The following MELTF variants were observed in gnomAD, a reference collection of about 807,000 sequenced individuals.
MELTF encodes the protein melanotransferrin, also known as antigen p97 (melanoma associated) identified by monoclonal antibodies 133.2 and 96.5.
Under a neutral mutation model 83.7 loss-of-function variants are expected in MELTF, and 67 were observed. That is an observed-to-expected ratio of 0.80 (90% CI 0.66 to 0.98). The LOEUF (loss-of-function observed/expected upper bound fraction) is 0.98, where lower values mean the gene tolerates loss of function less well. Among genes scored for constraint, MELTF ranks in the 50% least tolerant of loss-of-function variants. The pLI is 0.00. For synonymous variants in MELTF, 462 were observed against 447.6 expected, an observed-to-expected ratio of 1.03 and a Z score of -0.41; for missense variants, 1,002 against 1,035.6, an observed-to-expected ratio of 0.97 and a Z score of 0.44.
chr3:197,026,380 G>C (rs558225836), intron 3 of MELTF: 1 of 429,992 alleles, frequency 2.3e-6, no homozygotes, highest in Non-Finnish European at 4.3e-6. Context: ...CCGGCACCAC[G>C]CCAGGCCCGG....
intron 3 of MELTF, 185 bp downstream of exon 3, chr3:197,026,475 C>G (rs1369083550): frequency 6.7e-6 from 4 of 601,474 alleles, no homozygotes; most frequent in Middle Eastern, 3.0e-4. Flanking sequence ...GGGCAGCTCT[C>G]TGTGTCCCTG....
Position 197,009,636 on chromosome 3 carries a change from C to T in MELTF, c.1507G>A (p.Asp503Asn), listed in dbSNP as rs1449657654. 1.2e-6 allele frequency: 2 copies of T among 1,612,356 alleles called. No homozygotes were observed. The highest frequency in any genetic ancestry group is 1.7e-6 in the Non-Finnish European group (2 of 1,178,710). Residue 503 changes from aspartate (D) to asparagine (N), a missense_variant, in exon 11 of 16, where the codon GAC becomes AAC. Coordinates refer to ENST00000296350, the MANE Select transcript of MELTF (RefSeq NM_005929.6). Reference sequence around the variant, plus strand: ...GGGGTACCTGTGAGGACGTCACAGTCCTTGGGCCGGATGAAGCCTCTCTGA... The same window carrying T: ...GGGGTACCTGTGAGGACGTCACAGTTCTTGGGCCGGATGAAGCCTCTCTGA... ...LIQRGFIRPK[D>N]CDVLTAVSEF...
chr3:197,027,918 C>T lies in MELTF; in HGVS notation c.50-8G>A. The T allele has an allele frequency of 1.9e-6, 3 of 1,569,676 alleles. No individual in the cohort carries two copies. The highest frequency in any genetic ancestry group is 2.6e-6 in the Non-Finnish European group (3 of 1,157,740). ...CCTCCATGCCACCGAGCACTGCGGG[C>T]AGGGGACCGTGAGGCCCGGCTCCCC... On this transcript the variant is annotated splice_region_variant and splice_polypyrimidine_tract_variant and intron_variant, in intron 1 of 15. Transcript: ENST00000296350.
rs1200655173 is a variant in MELTF, at chr3:197,008,882, C to T, written c.1609G>A (p.Gly537Arg). The change falls in exon 12 of 16, where the codon GGG (glycine) becomes AGG (arginine). Residue 537 changes from glycine (G) to arginine (R), a missense_variant. Gly to Arg is a moderately radical substitution (Grantham distance 125). Coordinates refer to ENST00000296350, the MANE Select transcript of MELTF (RefSeq NM_005929.6). This position sits in a 1 kb window ranked among gnomAD's most constrained non-coding sequence, Gnocchi z 5.4. ...CACTTGTTGCGGCCCTGCTCGTCCC[C>T]CACGCACAGTGCACACAGCGAGGAG... is the stretch of plus-strand genomic sequence containing the variant. ...YPSSLCALCV[G>R]DEQGRNKCVG... 1 of 1,614,230 alleles carries T rather than the reference C, an allele frequency of 6.2e-7. No individual in the cohort carries two copies.
chr3:197,024,408 T>A lies in MELTF; in HGVS notation c.382A>T (p.Lys128Ter). Residue 128 changes from lysine (K) to a stop codon, truncating the protein, a stop_gained, in exon 4 of 16, where the codon AAG becomes TAG. Transcript: ENST00000296350. LOFTEE classifies it high-confidence loss of function. This position sits in a 1 kb window ranked among gnomAD's most constrained non-coding sequence, Gnocchi z 5.3. ...HVTIDTLKGV[K>*]SCHTGINRTV... is the part of the protein sequence containing the mutation. ...CGATTGATGCCCGTGTGGCAGGACT[T>A]CACGCCTTTCAGGGTGTCAATGGTC... 2 of 1,610,808 alleles carry A rather than the reference T, an allele frequency of 1.2e-6. No homozygotes were observed. Among genetic ancestry groups the A allele is most frequent in the Non-Finnish European group, 1.7e-6 (2 of 1,178,202 alleles).
rs751771340 is a variant in MELTF, at chr3:197,009,627, C to T, written c.1516G>A (p.Val506Ile). ...RGFIRPKDCDVLTAVSEFFNA... is the reference protein window; with the variant it reads ...RGFIRPKDCDILTAVSEFFNA... ...AAAAAGGGGGGGGTACCTGTGAGGA[C>T]GTCACAGTCCTTGGGCCGGATGAAG... Residue 506 changes from valine (V) to isoleucine (I), a missense_variant, in exon 11 of 16, where the codon GTC (valine) becomes ATC (isoleucine). Transcript: ENST00000296350. 5.6e-6 allele frequency: 9 copies of T among 1,606,808 alleles called. No individual in the cohort carries two copies. Among genetic ancestry groups the T allele is most frequent in the South Asian group, 3.3e-5 (3 of 90,968 alleles).
Position 197,003,373 on chromosome 3 carries a change from C to CA in MELTF, c.2215dup (p.Ter739LeufsTer266). On this transcript the variant is annotated frameshift_variant and stop_lost, in exon 16 of 16. Coordinates refer to ENST00000296350, the MANE Select transcript of MELTF (RefSeq NM_005929.6). LOFTEE classifies it high-confidence loss of function. The surrounding 1 kb of genome is among the most constrained non-coding windows in gnomAD (Gnocchi z 6.2). ...AGCTCTGGGGCGGGGCGGCCGGGCTCAGAGGGCGGGCGGGAGCAGGCGGGC... is the reference window on the plus strand; with the variant it reads ...AGCTCTGGGGCGGGGCGGCCGGGCTCAAGAGGGCGGGCGGGAGCAGGCGGGC... The CA allele has an allele frequency of 9.3e-7, 1 of 1,074,448 alleles. No individual in the cohort carries two copies. The highest frequency in any genetic ancestry group is 1.1e-6 in the Non-Finnish European group (1 of 888,992). 66.6% of individuals were successfully genotyped at this position (1,074,448 alleles called of 1,614,324 possible).
intron 9 of MELTF, among the ~76,000 whole-genome samples, chr3:197,013,701 G>A (rs1039760791): frequency 2.0e-5 from 3 of 152,104 alleles, no homozygotes; most frequent in African/African-American, 2.4e-5. Flanking sequence ...ACTTAAAAAC[G>A]GGCAAATGAT....
chr3:197,004,388 A>G, intron 14 of MELTF: 1 of 471,086 alleles, frequency 2.1e-6, no homozygotes, highest in African/African-American at 2.0e-5. Flanking sequence ...CCAGGAAGAA[A>G]GACCCAGAAA....
chr3:197,021,513 G>A, intron 5 of MELTF, 42 bp from the exon 6 acceptor site: 1 of 1,588,788 alleles, frequency 6.3e-7, no homozygotes, highest in Non-Finnish European at 8.6e-7. Flanking sequence ...CTGAGCCCCT[G>A]CCCCTGCCCA....
At position 197,002,799 on chromosome 3, in the gene MELTF, G is replaced by C. The variant is rs1718791546; in HGVS notation, c.*573C>G. 6.6e-6 allele frequency: 1 copy of C among 152,148 alleles called. No homozygotes were observed. Among genetic ancestry groups the C allele is most frequent in the Non-Finnish European group, 1.5e-5 (1 of 68,060 alleles). 9.4% of individuals were successfully genotyped at this position (152,148 alleles called of 1,614,324 possible). On this transcript the variant is annotated 3_prime_UTR_variant, in exon 16 of 16. Coordinates refer to ENST00000296350, the MANE Select transcript of MELTF (RefSeq NM_005929.6). Reference sequence around the variant, plus strand: ...GGGCTCGGCCTCCCTCCCAGCGCACGGGCGGTCGGAGGAACTGGAGCCCCC... The same window carrying C: ...GGGCTCGGCCTCCCTCCCAGCGCACCGGCGGTCGGAGGAACTGGAGCCCCC...
At position 197,003,584 on chromosome 3, in the gene MELTF, C is replaced by T; in HGVS notation, c.2138-133G>A. On this transcript the variant is annotated intron_variant, in intron 15 of 15. Transcript: ENST00000296350. The surrounding 1 kb of genome is among the most constrained non-coding windows in gnomAD (Gnocchi z 6.2). ...GCAGCCTCCCTCTTTGTGCTCCTTT[C>T]CCCTGCTGCCCTTCCAGATGCGCTC... The T allele has an allele frequency of 1.4e-6, 1 of 708,550 alleles. No individual in the cohort carries two copies. The allele number at this position is 708,550 out of a possible 1,614,324, so 43.9% of individuals were successfully genotyped here.
Position 197,024,946 on chromosome 3 carries a change from A to C in MELTF, c.305-461T>G, listed in dbSNP as rs528268997. Among the ~76,000 whole-genome samples, 1 of 152,334 alleles carries C rather than the reference A, an allele frequency of 6.6e-6. No individual in the cohort carries two copies. Among genetic ancestry groups the C allele is most frequent in the South Asian group, 2.1e-4 (1 of 4,832 alleles). Reference sequence around the variant, plus strand: ...AGGGGAGCCGAGGAGGGGCTTCCCCAGATGAGGAGCGGCGATTTCCTGGTG... The same window carrying C: ...AGGGGAGCCGAGGAGGGGCTTCCCCCGATGAGGAGCGGCGATTTCCTGGTG... On this transcript the variant is annotated intron_variant, in intron 3 of 15. Transcript: ENST00000296350. The surrounding 1 kb of genome is among the most constrained non-coding windows in gnomAD (Gnocchi z 5.3).
At chr3:197,025,643 G>C (rs903705292) in intron 3 of MELTF, 1 of 152,538 alleles carries the variant, frequency 6.6e-6, no homozygotes, top group Non-Finnish European at 1.5e-5. Context: ...GTGCTCAGTA[G>C]AGGTGTCGAG....
rs1577939986 is a variant in MELTF, at chr3:197,019,498, G to T, written c.712+1906C>A. The T allele has an allele frequency of 1.3e-5, 20 of 1,492,990 alleles. No homozygotes were observed. In the East Asian group the frequency reaches 4.6e-4, roughly 34 times the overall value. The allele number at this position is 1,492,990 out of a possible 1,614,324, so 92.5% of individuals were successfully genotyped here. A position where few individuals can be genotyped will look rare whatever the true frequency, so the allele number is the denominator to read the frequency against. On this transcript the variant is annotated intron_variant, in intron 6 of 15. Transcript: ENST00000296350. ...CACGCCTGTCATCCCAGCTACTCAG[G>T]AGGCTGAGATGCGAGGATCAGTTGA...
intron 11 of MELTF, among the ~76,000 whole-genome samples, chr3:197,009,268 C>G (rs898431182): frequency 2.0e-5 from 3 of 152,206 alleles, no homozygotes; most frequent in African/African-American, 2.4e-5. Flanking sequence ...AGGTGTCCAG[C>G]TGTCTGGGAG....
intron 14 of MELTF, 24 bp from the exon 15 acceptor site, chr3:197,004,123 C>A (rs1454646334): frequency 1.9e-6 from 3 of 1,613,050 alleles, no homozygotes; most frequent in Non-Finnish European, 2.5e-6. Context: ...AGGCAGACGA[C>A]CTGCTCCTCA....
chr3:197,009,703 G>A lies in MELTF; in HGVS notation c.1440C>T (p.Phe480=), dbSNP rs375893702. Residue 480 remains phenylalanine, a synonymous_variant, in exon 11 of 16, where the codon TTC becomes TTT. Coordinates refer to ENST00000296350, the MANE Select transcript of MELTF (RefSeq NM_005929.6). ...GGACATCCCAGCCTGCAGGGCTGCC[G>A]AAACCGGCGTGGCAGGAGCGCTTGC... ...LRGKRSCHAG[F]GSPAGWDVPV... 77 of 1,613,788 alleles carry A rather than the reference G, an allele frequency of 4.8e-5. No individual in the cohort carries two copies. Among genetic ancestry groups the A allele is most frequent in the Non-Finnish European group, 5.5e-5 (65 of 1,180,040 alleles).
chr3:197,006,524 A>G lies in MELTF; in HGVS notation c.1938+25T>C. 1 of 1,604,394 alleles carries G rather than the reference A, an allele frequency of 6.2e-7. No individual in the cohort carries two copies. Among genetic ancestry groups the G allele is most frequent in the South Asian group, 1.1e-5 (1 of 89,890 alleles). ...GCTTACCTCTGCTGCACACCCCTCAATGAGGTAGCCCCACCCTGGCTCACC... is the reference window on the plus strand; with the variant it reads ...GCTTACCTCTGCTGCACACCCCTCAGTGAGGTAGCCCCACCCTGGCTCACC... On this transcript the variant is annotated intron_variant, in intron 14 of 15. Coordinates refer to ENST00000296350, the MANE Select transcript of MELTF (RefSeq NM_005929.6). This position sits in a 1 kb window ranked among gnomAD's most constrained non-coding sequence, Gnocchi z 5.4.
Sources: allele counts gnomAD v4.1 joint callset (sites outside exome capture counted in the v4.1 genomes callset), GRCh38; gene constraint gnomAD v4.1.1; non-coding constraint Gnocchi (gnomAD v3.1); transcripts MANE v1.5; gene names NCBI Gene and HGNC (gene_info 2026-07-23, HGNC 2026-07-21).